Variants in BCAT1 observed in about 807,000 individuals in gnomAD.
The protein encoded by BCAT1 is branched-chain-amino-acid aminotransferase, cytosolic.
In BCAT1, 48 loss-of-function variants were observed where a neutral mutation model predicts 52.4. That is an observed-to-expected ratio of 0.92 (90% confidence interval 0.73 to 1.16). BCAT1 has a LOEUF of 1.16. Ranked by LOEUF, BCAT1 falls within the 50% of genes most tolerant of loss-of-function variation. The probability of loss-of-function intolerance (pLI) is 0.00; values close to 1 mark genes in which losing one functional copy is unlikely to be tolerated. For missense variants in BCAT1, 451 were observed against 457.1 expected (o/e 0.99, Z 0.12); for synonymous variants, 167 against 161.3 (o/e 1.04, Z -0.27).
Position 24,812,550 on chromosome 12 carries a change from G to C in BCAT1, c.*5458C>G, listed in dbSNP as rs541680740. The C allele has an allele frequency of 2.0e-5, 3 of 152,020 alleles. No individual in the cohort carries two copies. In the South Asian group the frequency reaches 6.2e-4, roughly 31 times the overall value. The allele number at this position is 152,020 out of a possible 1,614,324, so 9.4% of individuals were successfully genotyped here. On this transcript the variant is annotated 3_prime_UTR_variant, in exon 11 of 11. Transcript: ENST00000261192. ...TGACCTAATTCTAATATCTGATGAA[G>C]TGTTTGCTATATTTAGTCACTACCT... is the stretch of plus-strand genomic sequence containing the variant.
intron 3 of BCAT1, among the ~76,000 whole-genome samples, chr12:24,888,205 TA>T (rs895651662): frequency 3.9e-4 from 57 of 147,920 alleles, no homozygotes; most frequent in African/African-American, 3.0e-4. Context: ...ATGTGGGGGT[TA>T]AAAAAAAAAG....
intron 1 of BCAT1, among the ~76,000 whole-genome samples, chr12:24,925,489 T>C (rs71436896): frequency 0.16 from 24,267 of 152,210 alleles, 2,490 homozygotes; most frequent in Non-Finnish European, 0.23. Flanking sequence ...TAGATATAGA[T>C]ATGCCCTATT....
At chr12:24,846,429 G>A (rs1014181386) in intron 6 of BCAT1, among the ~76,000 whole-genome samples, 8 of 152,036 alleles carry the variant, frequency 5.3e-5, no homozygotes, top group Admixed American at 2.6e-4. Flanking sequence ...TGTTCTTGGA[G>A]GAAACAGAAA....
chr12:24,853,600 A>T (rs907734661), intron 5 of BCAT1, among the ~76,000 whole-genome samples: 1 of 152,092 alleles, frequency 6.6e-6, no homozygotes, highest in African/African-American at 2.4e-5. Context: ...TCTCACATAA[A>T]TTTTTTTTAA....
At chr12:24,845,914 T>C (rs546887368) in intron 6 of BCAT1, among the ~76,000 whole-genome samples, 1 of 152,146 alleles carries the variant, frequency 6.6e-6, no homozygotes, top group Non-Finnish European at 1.5e-5. Context: ...TAATAACTAT[T>C]TTATTTGAAT....
At chr12:24,925,226 T>C (rs190377039) in intron 1 of BCAT1, among the ~76,000 whole-genome samples, 44 of 152,302 alleles carry the variant, frequency 2.9e-4, no homozygotes, top group African/African-American at 1.0e-3. Context: ...GGAGGTTTCC[T>C]GAAGAAGGAA....
intron 7 of BCAT1, among the ~76,000 whole-genome samples, chr12:24,838,055 C>A (rs916104871): frequency 2.0e-5 from 3 of 152,118 alleles, no homozygotes; most frequent in African/African-American, 7.2e-5. Context: ...CTTCTGACAC[C>A]CAGGAGTCTG....
At chr12:24,837,743 G>C (rs1941042319) in intron 7 of BCAT1, among the ~76,000 whole-genome samples, 1 of 151,998 alleles carries the variant, frequency 6.6e-6, no homozygotes, top group African/African-American at 2.4e-5. Context: ...TCTATCTTTA[G>C]TGATTTTCAA....
intron 5 of BCAT1, among the ~76,000 whole-genome samples, chr12:24,860,887 T>G (rs561823254): frequency 5.3e-5 from 8 of 152,348 alleles, no homozygotes; most frequent in African/African-American, 1.9e-4. Context: ...CTCAAGGCTT[T>G]AGAAAGTCTA....
chr12:24,947,523 T>C (rs1261244525), intron 1 of BCAT1, among the ~76,000 whole-genome samples: 1 of 152,222 alleles, frequency 6.6e-6, no homozygotes, highest in Non-Finnish European at 1.5e-5. Flanking sequence ...GTTTGAAATA[T>C]TGTGATAAAA....
At chr12:24,863,109 A>G (rs997904336) in intron 5 of BCAT1, among the ~76,000 whole-genome samples, 2 of 152,228 alleles carry the variant, frequency 1.3e-5, no homozygotes, top group African/African-American at 4.8e-5. Context: ...AACTCTTTTA[A>G]GTTTTTAGAT....
At chr12:24,895,293 G>A (rs1942933854) in intron 2 of BCAT1, among the ~76,000 whole-genome samples, 1 of 152,092 alleles carries the variant, frequency 6.6e-6, no homozygotes, top group African/African-American at 2.4e-5. Context: ...TTGGGAAGCC[G>A]AGGCATGCAG....
chr12:24,941,415 C>T (rs903023903), intron 1 of BCAT1, among the ~76,000 whole-genome samples: 7 of 152,162 alleles, frequency 4.6e-5, no homozygotes, highest in Admixed American at 2.0e-4. Context: ...TTTTATAATC[C>T]TCTGTCTTTT....
intron 1 of BCAT1, among the ~76,000 whole-genome samples, chr12:24,906,854 A>T (rs188589915): frequency 2.0e-4 from 31 of 152,346 alleles, no homozygotes; most frequent in African/African-American, 7.2e-4. Flanking sequence ...CAACCATGTT[A>T]TCCGCATCCT....
rs563205085 is a variant in BCAT1, at chr12:24,867,655, GT to G, written c.510+10874del. Among the ~76,000 whole-genome samples the G allele has an allele frequency of 2.0e-4, 31 of 152,290 alleles. No individual in the cohort carries two copies. In the South Asian group the frequency reaches 6.4e-3, roughly 32 times the overall value. On this transcript the variant is annotated intron_variant, in intron 5 of 10. Transcript: ENST00000261192. ...GACTATTAAACAAAAGCAAGTCAAT[GT>G]TTTCTTGCAAAGCAACAACCAAGCC...
At chr12:24,846,750 G>C (rs1047885854) in intron 6 of BCAT1, among the ~76,000 whole-genome samples, 1 of 152,102 alleles carries the variant, frequency 6.6e-6, no homozygotes, top group African/African-American at 2.4e-5. Context: ...GAATTTTTTG[G>C]ATTAGGGATG....
chr12:24,938,161 C>A (rs1398608378), intron 1 of BCAT1, among the ~76,000 whole-genome samples: 2 of 152,086 alleles, frequency 1.3e-5, no homozygotes, highest in Non-Finnish European at 2.9e-5. Flanking sequence ...GAAGAGAGAG[C>A]ACAGACTCCT....
chr12:24,831,771 A>T (rs1037224043), intron 9 of BCAT1, among the ~76,000 whole-genome samples: 1 of 152,282 alleles, frequency 6.6e-6, no homozygotes, highest in South Asian at 2.1e-4. Flanking sequence ...AGTTCACATT[A>T]TAAGACTAAT....
intron 5 of BCAT1, among the ~76,000 whole-genome samples, chr12:24,860,256 A>T (rs921332294): frequency 6.6e-6 from 1 of 152,252 alleles, no homozygotes; most frequent in Admixed American, 6.5e-5. Context: ...CTCCCTTGGG[A>T]AACCAATATG....
Sources: allele counts gnomAD v4.1 joint callset (sites outside exome capture counted in the v4.1 genomes callset), GRCh38; gene constraint gnomAD v4.1.1; transcripts MANE v1.5; gene names NCBI Gene and HGNC (gene_info 2026-07-23, HGNC 2026-07-21).